The following STIM1 variants were observed in gnomAD, a reference collection of about 807,000 sequenced individuals.
STIM1 encodes stromal interaction molecule 1.
A neutral mutation model predicts 74.7 loss-of-function variants in STIM1; 25 were observed. The observed-to-expected ratio is 0.33, with a 90% CI of 0.24 to 0.47. STIM1 has a LOEUF of 0.47. Among genes scored for constraint, STIM1 ranks in the 20% least tolerant of loss-of-function variants. STIM1 has a pLI of 1.00. For synonymous variants in STIM1, 328 were observed against 348.8 expected, an observed-to-expected ratio of 0.94 and a Z score of 0.66; for missense variants, 728 against 920.8, an observed-to-expected ratio of 0.79 and a Z score of 2.71.
chr11:3,956,834 A>C (rs918092137), intron 1 of STIM1, among the ~76,000 whole-genome samples: 2 of 142,588 alleles, frequency 1.4e-5, no homozygotes, highest in African/African-American at 5.8e-5. Context: ...AAAAAAAAAA[A>C]AAAAAAAAAA....
intron 2 of STIM1, chr11:3,989,270 C>T: frequency 6.5e-6 from 6 of 919,200 alleles, no homozygotes; most frequent in South Asian, 2.6e-5. Context: ...TTAGCCACTT[C>T]GGCCTGTTTT....
At chr11:3,916,437 G>T (rs1372781193) in intron 1 of STIM1, among the ~76,000 whole-genome samples, 1 of 147,650 alleles carries the variant, frequency 6.8e-6, no homozygotes, top group African/African-American at 2.5e-5. Flanking sequence ...ACAAGCATGT[G>T]CCACCACACC....
At chr11:3,982,435 A>G (rs1315101368) in intron 2 of STIM1, among the ~76,000 whole-genome samples, 2 of 152,240 alleles carry the variant, frequency 1.3e-5, no homozygotes, top group Non-Finnish European at 2.9e-5. Flanking sequence ...AATCATGTAT[A>G]TCAAGTACCC....
At chr11:4,028,392 T>C (rs1371690084) in intron 3 of STIM1, among the ~76,000 whole-genome samples, 1 of 151,050 alleles carries the variant, frequency 6.6e-6, no homozygotes, top group Admixed American at 6.6e-5. Flanking sequence ...AATATTTCTT[T>C]TTTTTTCTTT....
At chr11:3,858,764 G>A (rs748970377) in intron 1 of STIM1, among the ~76,000 whole-genome samples, 1 of 152,160 alleles carries the variant, frequency 6.6e-6, no homozygotes, top group Non-Finnish European at 1.5e-5. Flanking sequence ...GTCAATTTGT[G>A]TGTTCTCTGC....
chr11:4,042,835 G>A (rs549771491), intron 3 of STIM1, among the ~76,000 whole-genome samples: 45 of 152,130 alleles, frequency 3.0e-4, no homozygotes, highest in Non-Finnish European at 5.7e-4. Context: ...TGAAGAAAAA[G>A]TTACTACTGA....
At chr11:4,024,116 A>G (rs2093980026) in intron 3 of STIM1, 129 bp downstream of exon 3, 7 of 736,794 alleles carry the variant, frequency 9.5e-6, no homozygotes, top group Non-Finnish European at 1.7e-5. Context: ...GTTATTCTAC[A>G]TATAGTCACT....
chr11:3,914,289 C>G (rs1323411403), intron 1 of STIM1, among the ~76,000 whole-genome samples: 1 of 151,952 alleles, frequency 6.6e-6, no homozygotes, highest in African/African-American at 2.4e-5. Context: ...ATCTATGTTG[C>G]AACATGCATC....
At chr11:4,026,095 G>C (rs1265776771) in intron 3 of STIM1, among the ~76,000 whole-genome samples, 1 of 152,160 alleles carries the variant, frequency 6.6e-6, no homozygotes, top group Non-Finnish European at 1.5e-5. Context: ...GCTACAAAAA[G>C]CATTTAATAT....
At chr11:3,999,589 G>T (rs10835474) in intron 2 of STIM1, 37,939 of 152,856 alleles carry the variant, frequency 0.25, 5,729 homozygotes, top group South Asian at 0.44. Context: ...TGATTGTGGT[G>T]GGGGGAGGAG....
At chr11:3,945,947 G>C (rs1478607831) in intron 1 of STIM1, among the ~76,000 whole-genome samples, 1 of 152,082 alleles carries the variant, frequency 6.6e-6, no homozygotes, top group African/African-American at 2.4e-5. Context: ...AGAGTGGGTG[G>C]GGAGAGATGC....
chr11:4,028,262 A>C (rs2094014842), intron 3 of STIM1, among the ~76,000 whole-genome samples: 1 of 151,644 alleles, frequency 6.6e-6, no homozygotes, highest in Non-Finnish European at 1.5e-5. Context: ...TTGTATTTTT[A>C]ACGGAGATGG....
At chr11:4,066,891 A>G (rs1189179030) in intron 5 of STIM1, among the ~76,000 whole-genome samples, 1 of 152,124 alleles carries the variant, frequency 6.6e-6, no homozygotes, top group Non-Finnish European at 1.5e-5. Flanking sequence ...TAAGGCATAG[A>G]TTAGACTCTT....
At chr11:3,983,514 G>T (rs1160072343) in intron 2 of STIM1, among the ~76,000 whole-genome samples, 1 of 152,154 alleles carries the variant, frequency 6.6e-6, no homozygotes, top group African/African-American at 2.4e-5. Flanking sequence ...CAAAGAATCT[G>T]TGGGACAACC....
chr11:4,001,126 T>A (rs2093712134), intron 2 of STIM1, among the ~76,000 whole-genome samples: 1 of 152,136 alleles, frequency 6.6e-6, no homozygotes, highest in African/African-American at 2.4e-5. Flanking sequence ...TACCTGAAAG[T>A]GATGGGGAGA....
At chr11:3,895,657 T>TC (rs2092060611) in intron 1 of STIM1, among the ~76,000 whole-genome samples, 1 of 15,368 alleles carries the variant, frequency 6.5e-5, no homozygotes, top group Non-Finnish European at 1.4e-4. Context: ...TTTCTTTCTT[T>TC]CTTTCTTTCT....
At chr11:3,881,626 C>T (rs768474894) in intron 1 of STIM1, among the ~76,000 whole-genome samples, 6 of 152,042 alleles carry the variant, frequency 3.9e-5, no homozygotes, top group Non-Finnish European at 8.8e-5. Context: ...CCATCTCAGC[C>T]TCCCAAAGTG....
At chr11:3,947,908 G>C (rs979193433) in intron 1 of STIM1, among the ~76,000 whole-genome samples, 4 of 152,190 alleles carry the variant, frequency 2.6e-5, no homozygotes, top group African/African-American at 9.6e-5. Flanking sequence ...AAGAGACAAC[G>C]TATGTAGAAG....
intron 5 of STIM1, among the ~76,000 whole-genome samples, chr11:4,060,969 T>C (rs542346488): frequency 9.2e-5 from 14 of 152,244 alleles, no homozygotes; most frequent in African/African-American, 3.4e-4. Context: ...CTTACACATC[T>C]CTTTGTATAC....
Sources: gnomAD v4.1 joint callset for allele counts (sites outside exome capture counted in the v4.1 genomes callset) on GRCh38, gnomAD v4.1.1 for gene constraint, MANE v1.5 for transcripts, NCBI Gene and HGNC (gene_info 2026-07-23, HGNC 2026-07-21) for gene names.